Variants in PBX3 observed in about 807,000 individuals in gnomAD.
PBX3 encodes the protein pre-B-cell leukemia transcription factor 3.
A neutral mutation model predicts 48.5 loss-of-function variants in PBX3; 14 were observed. The ratio of observed to expected loss-of-function variants is 0.29; its 90% CI spans 0.19 to 0.45. The LOEUF (loss-of-function observed/expected upper bound fraction) is 0.45. PBX3 is among the 20% of genes least tolerant of loss of function. The pLI is 1.00. For missense variants in PBX3, 386 were observed against 546.7 expected (o/e 0.71, Z 2.93); for synonymous variants, 210 against 200.3 (o/e 1.05, Z -0.41).
At chr9:125,892,563 A>G (rs537958465) in intron 2 of PBX3, among the ~76,000 whole-genome samples, 1 of 152,298 alleles carries the variant, frequency 6.6e-6, no homozygotes, top group South Asian at 2.1e-4. Context: ...ATTTTTATGC[A>G]CTAAATAAAA....
intron 2 of PBX3, among the ~76,000 whole-genome samples, chr9:125,825,449 T>C (rs1838781174): frequency 6.6e-6 from 1 of 151,994 alleles, no homozygotes; most frequent in African/African-American, 2.4e-5. Context: ...AACTTATATT[T>C]CCAAAATAAA....
chr9:125,927,460 T>A (rs1362934981), intron 3 of PBX3, among the ~76,000 whole-genome samples: 1 of 152,206 alleles, frequency 6.6e-6, no homozygotes, highest in Non-Finnish European at 1.5e-5. Flanking sequence ...TAATGAGCAG[T>A]TAGAAAAACC....
rs538408451 is a variant in PBX3 at position 125,845,981 on chromosome 9, A to G, written c.275-69705A>G. ...AATAGGCCTTGACTCTAAAGTGAAAATGATTCACTGAATTAGTTTTTAAAA... is the reference window on the plus strand; with the variant it reads ...AATAGGCCTTGACTCTAAAGTGAAAGTGATTCACTGAATTAGTTTTTAAAA... On this transcript the variant is annotated intron_variant, in intron 2 of 8. Coordinates refer to ENST00000373489, the MANE Select transcript of PBX3 (RefSeq NM_006195.6). Among the ~76,000 whole-genome samples, 3 of 152,268 alleles carry G rather than the reference A, an allele frequency of 2.0e-5. No homozygotes were observed. The East Asian group carries it at 5.8e-4, about 29-fold the overall frequency.
chr9:125,890,736 G>C (rs10760404), intron 2 of PBX3, among the ~76,000 whole-genome samples: 111,270 of 152,168 alleles, frequency 0.73, 41,128 homozygotes, highest in African/African-American at 0.81. Flanking sequence ...TTGTGTGGGA[G>C]TAGAATTGTA....
chr9:125,797,725 A>C (rs1837825729), intron 2 of PBX3, among the ~76,000 whole-genome samples: 1 of 152,166 alleles, frequency 6.6e-6, no homozygotes, highest in East Asian at 1.9e-4. Flanking sequence ...TTCTGAATAC[A>C]GTACACTATT....
chr9:125,889,938 G>A (rs1840600374), intron 2 of PBX3, among the ~76,000 whole-genome samples: 1 of 150,832 alleles, frequency 6.6e-6, no homozygotes, highest in African/African-American at 2.4e-5. Context: ...GCGGTCCCCC[G>A]CGCCGGCGGC....
chr9:125,754,517 A>G (rs1169403038), intron 2 of PBX3, among the ~76,000 whole-genome samples: 3 of 152,242 alleles, frequency 2.0e-5, no homozygotes, highest in East Asian at 1.9e-4. Context: ...TGACAGTGCT[A>G]TATTTAGCAA....
At position 125,747,507 on chromosome 9, in the gene PBX3, C is replaced by A. The variant is rs768068907; in HGVS notation, c.54C>A (p.Gly18=). 2.5e-6 allele frequency: 4 copies of A among 1,587,968 alleles called. No homozygotes were observed. In the East Asian group the frequency reaches 9.7e-5, roughly 38 times the overall value. ...LQTLAGVNLA[G]HSVQGGMALP... is the part of the protein sequence containing the mutation. ...CTCTGGCCGGGGTGAACCTGGCTGG[C>A]CACTCGGTGCAGGGGGGCATGGCCC... The change falls in exon 1 of 9, where the codon GGC becomes GGA. Residue 18 remains glycine, a synonymous_variant. Coordinates refer to ENST00000373489, the MANE Select transcript of PBX3 (RefSeq NM_006195.6).
chr9:125,905,633 A>G (rs969656130), intron 2 of PBX3, among the ~76,000 whole-genome samples: 4 of 151,718 alleles, frequency 2.6e-5, no homozygotes, highest in Admixed American at 6.6e-5. Flanking sequence ...TTATGCTTTT[A>G]TTTATTCATC....
At chr9:125,891,324 A>G (rs1361441532) in intron 2 of PBX3, among the ~76,000 whole-genome samples, 1 of 152,238 alleles carries the variant, frequency 6.6e-6, no homozygotes, top group East Asian at 1.9e-4. Flanking sequence ...CAAGTGAAAT[A>G]TATAAAGATG....
At chr9:125,840,730 T>G (rs1015968661) in intron 2 of PBX3, among the ~76,000 whole-genome samples, 29 of 152,026 alleles carry the variant, frequency 1.9e-4, no homozygotes, top group African/African-American at 6.3e-4. Flanking sequence ...TATATATGAG[T>G]AGGGTGAAGG....
At chr9:125,955,952 T>C (rs1288025809) in intron 5 of PBX3, among the ~76,000 whole-genome samples, 1 of 152,184 alleles carries the variant, frequency 6.6e-6, no homozygotes, top group African/African-American at 2.4e-5. Context: ...ATTTCGCAGT[T>C]GGTTATTTAA....
At chr9:125,796,069 T>G (rs1324354670) in intron 2 of PBX3, among the ~76,000 whole-genome samples, 1 of 146,424 alleles carries the variant, frequency 6.8e-6, no homozygotes, top group Non-Finnish European at 1.5e-5. Flanking sequence ...TGCATGTCTA[T>G]TTTCTTTATT....
intron 2 of PBX3, among the ~76,000 whole-genome samples, chr9:125,823,268 A>G (rs1022633789): frequency 8.5e-5 from 13 of 152,226 alleles, no homozygotes; most frequent in African/African-American, 2.9e-4. Flanking sequence ...ATATAAAAAT[A>G]AGCATCACAA....
At chr9:125,834,745 G>A (rs1361057419) in intron 2 of PBX3, among the ~76,000 whole-genome samples, 3 of 150,712 alleles carry the variant, frequency 2.0e-5, no homozygotes, top group African/African-American at 4.9e-5. Context: ...GCTGGGCATG[G>A]TGGCTCATGC....
At chr9:125,910,938 A>G (rs2132451575) in intron 2 of PBX3, among the ~76,000 whole-genome samples, 2 of 152,116 alleles carry the variant, frequency 1.3e-5, no homozygotes, top group Middle Eastern at 6.8e-3. Context: ...AAGTGTTGAT[A>G]TCATTCTGTT....
At chr9:125,861,879 T>C (rs1839870300) in intron 2 of PBX3, among the ~76,000 whole-genome samples, 1 of 152,222 alleles carries the variant, frequency 6.6e-6, no homozygotes, top group African/African-American at 2.4e-5. Context: ...ATGAAAATGT[T>C]GGAAAATGAT....
chr9:125,918,441 A>C (rs1011622718), intron 3 of PBX3, among the ~76,000 whole-genome samples: 1 of 151,940 alleles, frequency 6.6e-6, no homozygotes, highest in East Asian at 1.9e-4. Context: ...TCATACATTT[A>C]TCTCTTTTTG....
chr9:125,909,099 TA>T (rs1841144259), intron 2 of PBX3, among the ~76,000 whole-genome samples: 1 of 152,154 alleles, frequency 6.6e-6, no homozygotes, highest in African/African-American at 2.4e-5. Flanking sequence ...AAAAGTGCCT[TA>T]AAAATGTAAC....
Sources: allele counts gnomAD v4.1 joint callset (sites outside exome capture counted in the v4.1 genomes callset), GRCh38; gene constraint gnomAD v4.1.1; transcripts MANE v1.5; gene names NCBI Gene and HGNC (gene_info 2026-07-23, HGNC 2026-07-21).